CDH12: variants seen among roughly 807,000 people sequenced by gnomAD.
The protein encoded by CDH12 is cadherin 12.
CDH12 carries 41 observed loss-of-function variants against 74.1 expected under a neutral mutation model. The observed-to-expected ratio is 0.55, with a 90% CI of 0.43 to 0.72. The LOEUF is 0.72. CDH12 is among the 30% of genes least tolerant of loss of function. CDH12 has a pLI of 0.00. For missense variants in CDH12, 945 were observed against 977.2 expected (o/e 0.97, Z 0.44); for synonymous variants, 399 against 355.0 (o/e 1.12, Z -1.39).
intron 1 of CDH12, among the ~76,000 whole-genome samples, chr5:22,520,473 T>G (rs1580728604): frequency 6.6e-6 from 1 of 152,190 alleles, no homozygotes; most frequent in South Asian, 2.1e-4. Context: ...TAAAGAACAC[T>G]TATGGAGGTG....
intron 2 of CDH12, among the ~76,000 whole-genome samples, chr5:22,494,744 A>G (rs1325816024): frequency 6.6e-6 from 1 of 152,186 alleles, no homozygotes; most frequent in East Asian, 1.9e-4. Flanking sequence ...AAAAGCTGGA[A>G]AAACAAAGAC....
At chr5:21,792,245 C>T (rs1481537305) in intron 10 of CDH12, among the ~76,000 whole-genome samples, 1 of 151,684 alleles carries the variant, frequency 6.6e-6, no homozygotes, top group Non-Finnish European at 1.5e-5. Flanking sequence ...AAATAAATCC[C>T]GCTATGTTCC....
intron 4 of CDH12, among the ~76,000 whole-genome samples, chr5:22,209,191 C>T (rs560018072): frequency 3.3e-5 from 5 of 152,264 alleles, no homozygotes; most frequent in South Asian, 4.1e-4. Context: ...TTCCAGGTCA[C>T]CTCTAATCTT....
At chr5:22,447,695 C>T (rs544841433) in intron 2 of CDH12, among the ~76,000 whole-genome samples, 3 of 152,040 alleles carry the variant, frequency 2.0e-5, no homozygotes, top group African/African-American at 7.2e-5. Flanking sequence ...AGTAGTTAGC[C>T]AGTGAAAACT....
chr5:21,830,303 T>TG (rs1748942715), intron 8 of CDH12, among the ~76,000 whole-genome samples: 1 of 147,716 alleles, frequency 6.8e-6, no homozygotes, highest in Non-Finnish European at 1.5e-5. Flanking sequence ...CACTTGTTCA[T>TG]CTCCACTCAA....
chr5:21,914,519 A>C (rs116038763), intron 6 of CDH12, among the ~76,000 whole-genome samples: 1 of 152,268 alleles, frequency 6.6e-6, no homozygotes, highest in South Asian at 2.1e-4. Flanking sequence ...CCATACAAAG[A>C]GAGAGAGATG....
intron 1 of CDH12, among the ~76,000 whole-genome samples, chr5:22,706,405 T>C (rs1365510613): frequency 6.6e-6 from 1 of 152,074 alleles, no homozygotes; most frequent in Admixed American, 6.6e-5. Flanking sequence ...ATGAAACATA[T>C]ACACAAACTA....
chr5:21,914,696 C>A (rs1490649416), intron 6 of CDH12, among the ~76,000 whole-genome samples: 1 of 152,122 alleles, frequency 6.6e-6, no homozygotes, highest in Non-Finnish European at 1.5e-5. Context: ...ATAACTTGAA[C>A]TGATTGGATA....
Position 22,667,482 on chromosome 5 carries a change from G to T in CDH12, c.-522-162118C>A, listed in dbSNP as rs1391261663. Among the ~76,000 whole-genome samples the T allele has an allele frequency of 1.3e-5, 2 of 152,314 alleles. 1 individual carries two copies. Among genetic ancestry groups the T allele is most frequent in the East Asian group, 3.9e-4 (2 of 5,178 alleles). On this transcript the variant is annotated intron_variant, in intron 1 of 14. Transcript: ENST00000382254. ...GGAAATCAAATTTACACCATAAATA[G>T]TATGGAATGAGCAGCCTGCTGGCCT...
In CDH12 at chr5:21,831,215, G is replaced by T. The variant is rs374077647; in HGVS notation, c.814+10946C>A. Among the ~76,000 whole-genome samples the T allele has an allele frequency of 7.4e-4, 113 of 152,178 alleles. 4 individuals carry two copies. In the South Asian group the frequency reaches 0.022, roughly 30 times the overall value. ...TCCTAGCTACTGGGACAATTCTGAT[G>T]TTGGGAGCAGTAATCTATATTTTCA... On this transcript the variant is annotated intron_variant, in intron 8 of 14. Coordinates refer to ENST00000382254, the MANE Select transcript of CDH12 (RefSeq NM_004061.5).
intron 5 of CDH12, among the ~76,000 whole-genome samples, chr5:22,057,208 T>C (rs1740802520): frequency 6.6e-6 from 1 of 152,204 alleles, no homozygotes; most frequent in South Asian, 2.1e-4. Context: ...AATAAGCATG[T>C]CTGTGTTTCA....
At chr5:22,336,800 C>T (rs750666514) in intron 3 of CDH12, among the ~76,000 whole-genome samples, 5 of 152,154 alleles carry the variant, frequency 3.3e-5, no homozygotes, top group South Asian at 2.1e-4. Context: ...AATGTGAGGT[C>T]GGAGCCCCCA....
chr5:21,794,923 T>C (rs1746698047), intron 10 of CDH12, among the ~76,000 whole-genome samples: 1 of 151,610 alleles, frequency 6.6e-6, no homozygotes, highest in Admixed American at 6.6e-5. Flanking sequence ...TATTATTCAG[T>C]TGGTAGAAAA....
intron 4 of CDH12, among the ~76,000 whole-genome samples, chr5:22,117,517 AT>A (rs1745238429): frequency 1.0e-4 from 9 of 87,438 alleles, no homozygotes; most frequent in African/African-American, 4.5e-4. Context: ...TATATAATAT[AT>A]ATATAATATA....
intron 6 of CDH12, among the ~76,000 whole-genome samples, chr5:21,880,572 T>TTTCCTTCCTTCCTTCC (rs70957076): frequency 2.0e-3 from 26 of 12,944 alleles, no homozygotes; most frequent in South Asian, 3.8e-3. Context: ...CCCTTCTTTC[T>TTTCCTTCCTTCCTTCC]TTCCTTCCTT....
chr5:22,108,210 A>G (rs1240045734), intron 4 of CDH12, among the ~76,000 whole-genome samples: 1 of 152,158 alleles, frequency 6.6e-6, no homozygotes. Context: ...TGATGGTTTT[A>G]TAAAGGGCAG....
intron 7 of CDH12, among the ~76,000 whole-genome samples, chr5:21,845,432 T>C (rs971227750): frequency 9.9e-5 from 15 of 152,212 alleles, no homozygotes; most frequent in African/African-American, 3.1e-4. Flanking sequence ...GCTCCAGCTA[T>C]TCCAACCATT....
chr5:21,911,652 C>T (rs1324983869), intron 6 of CDH12, among the ~76,000 whole-genome samples: 7 of 151,884 alleles, frequency 4.6e-5, no homozygotes, highest in African/African-American at 7.2e-5. Context: ...GACATTTTAA[C>T]CTTGACATGG....
chr5:22,347,949 A>T (rs937705256), intron 3 of CDH12, among the ~76,000 whole-genome samples: 3 of 152,166 alleles, frequency 2.0e-5, no homozygotes, highest in Non-Finnish European at 2.9e-5. Context: ...TATTAACAAG[A>T]GGCCATGGGG....
Sources: allele counts gnomAD v4.1 joint callset (sites outside exome capture counted in the v4.1 genomes callset), GRCh38; gene constraint gnomAD v4.1.1; transcripts MANE v1.5; gene names NCBI Gene and HGNC (gene_info 2026-07-23, HGNC 2026-07-21).